TMEM132D: variants seen among roughly 807,000 people sequenced by gnomAD.
TMEM132D encodes the protein transmembrane protein 132D.
TMEM132D carries 21 observed loss-of-function variants against 62.3 expected under a neutral mutation model. The ratio of observed to expected loss-of-function variants is 0.34; its 90% CI spans 0.24 to 0.49. TMEM132D has a LOEUF of 0.49. Among genes scored for constraint, TMEM132D ranks in the 20% least tolerant of loss-of-function variants. The pLI is 0.99. For missense variants in TMEM132D, 1,346 were observed against 1,402.8 expected (o/e 0.96, Z 0.65); for synonymous variants, 621 against 575.6 (o/e 1.08, Z -1.13).
intron 5 of TMEM132D, among the ~76,000 whole-genome samples, chr12:129,131,900 T>TTTTTCCAAAATTTCCAA (rs1208821562): frequency 3.9e-5 from 6 of 152,194 alleles, no homozygotes; most frequent in African/African-American, 2.4e-5. Context: ...ATTTCCTTAA[T>TTTTTCCAAAATTTCCAA]ATTTTCCAAA....
At chr12:129,204,706 C>T (rs909965714) in intron 5 of TMEM132D, among the ~76,000 whole-genome samples, 8 of 152,118 alleles carry the variant, frequency 5.3e-5, no homozygotes, top group Admixed American at 2.6e-4. Context: ...ACAAGAAGAA[C>T]GTCCCCAAGA....
At chr12:129,491,407 C>T (rs1329637846) in intron 3 of TMEM132D, among the ~76,000 whole-genome samples, 1 of 152,202 alleles carries the variant, frequency 6.6e-6, no homozygotes, top group Non-Finnish European at 1.5e-5. Flanking sequence ...CAGTTTCCAG[C>T]CACCCTTGCG....
At chr12:129,486,540 C>T (rs1593033119) in intron 3 of TMEM132D, among the ~76,000 whole-genome samples, 1 of 152,140 alleles carries the variant, frequency 6.6e-6, no homozygotes, top group Non-Finnish European at 1.5e-5. Flanking sequence ...TTTCCAAGGT[C>T]CCAAGCTAAT....
intron 2 of TMEM132D, among the ~76,000 whole-genome samples, chr12:129,576,248 CTG>C (rs1158418414): frequency 3.3e-5 from 5 of 151,998 alleles, no homozygotes; most frequent in Non-Finnish European, 5.9e-5. Flanking sequence ...TGGGTTGAAA[CTG>C]TAGCAATTTC....
chr12:129,651,117 A>C (rs1300873406), intron 2 of TMEM132D, among the ~76,000 whole-genome samples: 1 of 152,180 alleles, frequency 6.6e-6, no homozygotes, highest in Middle Eastern at 3.2e-3. Flanking sequence ...GGATCTGCCA[A>C]TAAGTTTGTT....
intron 3 of TMEM132D, among the ~76,000 whole-genome samples, chr12:129,453,061 C>T (rs551901247): frequency 6.6e-6 from 1 of 152,296 alleles, no homozygotes; most frequent in East Asian, 1.9e-4. Context: ...GCATTAGATT[C>T]TCATAGGAGC....
chr12:129,688,030 A>G (rs1268152017), intron 2 of TMEM132D, among the ~76,000 whole-genome samples: 1 of 152,148 alleles, frequency 6.6e-6, no homozygotes, highest in Admixed American at 6.5e-5. Flanking sequence ...GTGAAGCCAT[A>G]AGCCTTGACC....
At chr12:129,590,177 T>C (rs1258251528) in intron 2 of TMEM132D, among the ~76,000 whole-genome samples, 2 of 152,210 alleles carry the variant, frequency 1.3e-5, no homozygotes. Flanking sequence ...TCTCTGCTAA[T>C]GAGGTGTCTG....
At chr12:129,602,261 A>G (rs1878501089) in intron 2 of TMEM132D, among the ~76,000 whole-genome samples, 2 of 152,180 alleles carry the variant, frequency 1.3e-5, no homozygotes, top group Admixed American at 6.5e-5. Flanking sequence ...GCAGACACCT[A>G]CCCATATCTC....
At chr12:129,770,086 A>C (rs1413893675) in intron 1 of TMEM132D, among the ~76,000 whole-genome samples, 1 of 151,334 alleles carries the variant, frequency 6.6e-6, no homozygotes, top group African/African-American at 2.4e-5. Context: ...AATGCTAGAA[A>C]TAAAGGTGTG....
intron 1 of TMEM132D, among the ~76,000 whole-genome samples, chr12:129,755,704 G>C (rs1278403865): frequency 6.6e-6 from 1 of 152,158 alleles, no homozygotes; most frequent in Non-Finnish European, 1.5e-5. Flanking sequence ...GGAAAGATAG[G>C]GAAGAGAATG....
intron 1 of TMEM132D, among the ~76,000 whole-genome samples, chr12:129,794,663 G>C (rs147509494): frequency 6.6e-6 from 1 of 152,142 alleles, no homozygotes; most frequent in East Asian, 1.9e-4. Context: ...AGCATTATTG[G>C]TCAGTTCCTT....
In TMEM132D at chr12:129,072,485, A is replaced by G. The variant is rs2079283352; in HGVS notation, c.*1390T>C. On this transcript the variant is annotated 3_prime_UTR_variant, in exon 9 of 9. Coordinates refer to ENST00000422113, the MANE Select transcript of TMEM132D (RefSeq NM_133448.3). ...AAGGGATTCAGGGATATCCAGAGTC[A>G]TGGCTGGTCTTAAGCAATGCTGAAC... 6.6e-6 allele frequency: 1 copy of G among 152,328 alleles called. No homozygotes were observed. Among genetic ancestry groups the G allele is most frequent in the African/African-American group, 2.4e-5 (1 of 41,468 alleles). The allele number at this position is 152,328 out of a possible 1,614,324, so 9.4% of individuals were successfully genotyped here.
intron 2 of TMEM132D, among the ~76,000 whole-genome samples, chr12:129,645,703 G>A (rs953356266): frequency 6.6e-6 from 1 of 152,160 alleles, no homozygotes; most frequent in African/African-American, 2.4e-5. Flanking sequence ...CCAGTCAGAA[G>A]ACCCCATTGA....
intron 2 of TMEM132D, among the ~76,000 whole-genome samples, chr12:129,678,397 G>A (rs555614538): frequency 5.3e-5 from 8 of 152,222 alleles, no homozygotes; most frequent in East Asian, 1.9e-4. Context: ...ACCTGATTAC[G>A]AATGGGATGC....
Position 129,371,046 on chromosome 12 carries a change from A to G in TMEM132D, c.1116-33229T>C, listed in dbSNP as rs1208475744. 1.3e-5 allele frequency among the ~76,000 whole-genome samples: 2 copies of G among 152,230 alleles called. No homozygotes were observed. The highest frequency in any genetic ancestry group is 1.5e-5 in the Non-Finnish European group (1 of 68,044). ...TAGGAGAAGAATTGTAACATTCTCA[A>G]CACAAAAAACAGATAAATATTTGAT... On this transcript the variant is annotated intron_variant, in intron 3 of 8. Coordinates refer to ENST00000422113, the MANE Select transcript of TMEM132D (RefSeq NM_133448.3). This position sits in a 1 kb window ranked among gnomAD's most constrained non-coding sequence, Gnocchi z 4.3.
chr12:129,252,644 G>A (rs1593312282), intron 4 of TMEM132D, among the ~76,000 whole-genome samples: 1 of 152,182 alleles, frequency 6.6e-6, no homozygotes, highest in African/African-American at 2.4e-5. Context: ...GATTCCTCAG[G>A]GATCTAGAAC....
intron 2 of TMEM132D, among the ~76,000 whole-genome samples, chr12:129,559,261 C>A (rs1418102385): frequency 6.6e-6 from 1 of 152,080 alleles, no homozygotes; most frequent in Non-Finnish European, 1.5e-5. Flanking sequence ...TTAGGCAGAT[C>A]AATTTTAGGA....
intron 3 of TMEM132D, among the ~76,000 whole-genome samples, chr12:129,518,100 G>A (rs993274350): frequency 6.6e-6 from 1 of 152,094 alleles, no homozygotes; most frequent in Admixed American, 6.6e-5. Context: ...CCCCCCTAAG[G>A]AGGATAAACA....
Sources: allele counts gnomAD v4.1 joint callset (sites outside exome capture counted in the v4.1 genomes callset), GRCh38; gene constraint gnomAD v4.1.1; non-coding constraint Gnocchi (gnomAD v3.1); transcripts MANE v1.5; gene names NCBI Gene and HGNC (gene_info 2026-07-23, HGNC 2026-07-21).